The following NDRG1 variants were observed in gnomAD, a reference collection of about 807,000 sequenced individuals.
NDRG1 encodes protein NDRG1.
Under a neutral mutation model 56.9 loss-of-function variants are expected in NDRG1, and 32 were observed. That is an observed-to-expected ratio of 0.56 (90% CI 0.42 to 0.76). The LOEUF is 0.76. Ranked by LOEUF, NDRG1 falls within the 30% of genes least tolerant of loss-of-function variation. NDRG1 has a pLI of 0.00. For missense variants in NDRG1, 507 were observed against 545.7 expected (o/e 0.93, Z 0.71); for synonymous variants, 211 against 204.1 (o/e 1.03, Z -0.29).
chr8:133,252,310 G>A (rs867043714), intron 9 of NDRG1, among the ~76,000 whole-genome samples: 56 of 152,226 alleles, frequency 3.7e-4, no homozygotes, highest in African/African-American at 1.2e-3. Flanking sequence ...GGCCAGGCTC[G>A]TCTCGAACTC....
intron 15 of NDRG1, among the ~76,000 whole-genome samples, chr8:133,241,690 A>T (rs957593964): frequency 6.6e-6 from 1 of 152,244 alleles, no homozygotes; most frequent in Middle Eastern, 3.2e-3. Flanking sequence ...GTGGTCTCTT[A>T]AAACTTGTGA....
Position 133,256,452 on chromosome 8 carries a change from T to C in NDRG1, c.537+325A>G, listed in dbSNP as rs116426800. Reference sequence around the variant, plus strand: ...CTTGTTCTTCAAGATGCTCAGCATCTTGACCAAAGCCTGGCACAAGTTATG... The same window carrying C: ...CTTGTTCTTCAAGATGCTCAGCATCCTGACCAAAGCCTGGCACAAGTTATG... On this transcript the variant is annotated intron_variant, in intron 8 of 15. Transcript: ENST00000323851. 7.9e-3 allele frequency among the ~76,000 whole-genome samples: 1,205 copies of C among 152,332 alleles called. 15 individuals are homozygous for C. Among genetic ancestry groups the C allele is most frequent in the African/African-American group, 0.027 (1,143 of 41,580 alleles).
intron 1 of NDRG1, among the ~76,000 whole-genome samples, chr8:133,289,695 G>A (rs897120787): frequency 6.6e-6 from 1 of 152,198 alleles, no homozygotes. Context: ...GGACCTGGGA[G>A]GGCAGTGGGC....
At chr8:133,269,686 C>T (rs2929992) in intron 3 of NDRG1, among the ~76,000 whole-genome samples, 92,272 of 152,128 alleles carry the variant, frequency 0.61, 30,795 homozygotes, top group East Asian at 1. Flanking sequence ...CATTCTGTGC[C>T]GGGCAGAAGA....
In NDRG1 at chr8:133,238,468, G is replaced by C; in HGVS notation, c.*410C>G. On this transcript the variant is annotated 3_prime_UTR_variant, in exon 16 of 16. Coordinates refer to ENST00000323851, the MANE Select transcript of NDRG1 (RefSeq NM_006096.4). ...CTGGATCAGCTTCTCCTCAGTTAAA[G>C]AGGAAACGGGAAGTGGGCGGCTGGC... 3.6e-6 allele frequency: 1 copy of C among 274,926 alleles called. No homozygotes were observed. The highest frequency in any genetic ancestry group is 6.9e-6 in the Non-Finnish European group (1 of 145,026). 17.0% of individuals were successfully genotyped at this position (274,926 alleles called of 1,614,324 possible).
intron 3 of NDRG1, among the ~76,000 whole-genome samples, chr8:133,268,313 A>G (rs1286939150): frequency 6.6e-6 from 1 of 152,256 alleles, no homozygotes; most frequent in East Asian, 1.9e-4. Context: ...CTCCCTCCTG[A>G]TAAGACCCCC....
intron 13 of NDRG1, among the ~76,000 whole-genome samples, chr8:133,246,170 G>A (rs951613387): frequency 3.3e-5 from 5 of 152,252 alleles, no homozygotes; most frequent in African/African-American, 7.2e-5. Flanking sequence ...AAGGACTGGC[G>A]GAGGTTGCTA....
At chr8:133,248,565 G>C (rs374126479) in intron 11 of NDRG1, 150 bp downstream of exon 11, 2 of 975,132 alleles carry the variant, frequency 2.1e-6, no homozygotes, top group Non-Finnish European at 3.3e-6. Context: ...TCCAAGTCAG[G>C]CTGGGTAATG....
intron 9 of NDRG1, among the ~76,000 whole-genome samples, chr8:133,252,337 C>T (rs924522076): frequency 2.0e-5 from 3 of 152,184 alleles, no homozygotes; most frequent in African/African-American, 7.2e-5. Flanking sequence ...TCAGGTGATC[C>T]ACTCGCCTAA....
intron 14 of NDRG1, among the ~76,000 whole-genome samples, chr8:133,243,303 C>T (rs779404707): frequency 6.6e-6 from 1 of 152,126 alleles, no homozygotes; most frequent in African/African-American, 2.4e-5. Flanking sequence ...CGCCTGTGTT[C>T]GAGATGGTGG....
At chr8:133,258,195 T>C (rs1211080321) in intron 7 of NDRG1, among the ~76,000 whole-genome samples, 171 bp downstream of exon 7, 2 of 151,736 alleles carry the variant, frequency 1.3e-5, no homozygotes, top group Non-Finnish European at 2.9e-5. Flanking sequence ...GAAAAGGCTG[T>C]GAGTATATAT....
chr8:133,244,331 T>G (rs1488617962), intron 14 of NDRG1, 24 bp downstream of exon 14: 1 of 1,614,068 alleles, frequency 6.2e-7, no homozygotes, highest in East Asian at 2.2e-5. Flanking sequence ...AGCTGTATAA[T>G]GCAAAAGCCA....
intron 13 of NDRG1, among the ~76,000 whole-genome samples, chr8:133,244,873 A>C (rs1855582439): frequency 6.6e-6 from 1 of 152,220 alleles, no homozygotes; most frequent in Non-Finnish European, 1.5e-5. Context: ...ACCCTTCCTA[A>C]ATGGTGGACG....
At chr8:133,243,933 T>G (rs537799384) in intron 14 of NDRG1, among the ~76,000 whole-genome samples, 1 of 151,732 alleles carries the variant, frequency 6.6e-6, no homozygotes, top group East Asian at 1.9e-4. Flanking sequence ...CACAGACATG[T>G]GTACACATGC....
intron 1 of NDRG1, among the ~76,000 whole-genome samples, chr8:133,288,058 CACAT>C (rs756643416): frequency 7.2e-5 from 11 of 152,200 alleles, no homozygotes; most frequent in African/African-American, 1.2e-4. Context: ...CTTATACTCA[CACAT>C]ACATACATTC....
intron 3 of NDRG1, among the ~76,000 whole-genome samples, chr8:133,272,136 A>G (rs891001149): frequency 6.6e-6 from 1 of 152,152 alleles, no homozygotes; most frequent in Non-Finnish European, 1.5e-5. Context: ...TTTTATGTTG[A>G]CATCAGGTCA....
At chr8:133,259,428 G>C (rs1299434815) in intron 5 of NDRG1, 198 bp from the exon 6 acceptor site, 2 of 631,202 alleles carry the variant, frequency 3.2e-6, no homozygotes, top group Admixed American at 4.7e-5. Context: ...CTACGCTCCA[G>C]GTCCCATGGA....
chr8:133,241,657 C>T, intron 15 of NDRG1: 1 of 354,002 alleles, frequency 2.8e-6, no homozygotes. Flanking sequence ...TCATCGACAC[C>T]ATCTTCATCA....
In NDRG1 at chr8:133,250,487, A is replaced by G. The variant is rs1586421765; in HGVS notation, c.651T>C (p.Asn217=). Residue 217 remains asparagine (N), a synonymous_variant, in exon 10 of 16, where the codon AAT becomes AAC. Coordinates refer to ENST00000323851, the MANE Select transcript of NDRG1 (RefSeq NM_006096.4). ...VVHTYRQHIV[N]DMNPGNLHLF... ...GGTGCAGGTTGCCGGGGTTCATGTC[A>G]TTCACAATGTGCTGGCGGTAGGTGT... 1.2e-6 allele frequency: 2 copies of G among 1,614,094 alleles called. No individual in the cohort carries two copies. Among genetic ancestry groups the G allele is most frequent in the South Asian group, 1.1e-5 (1 of 91,080 alleles).
Sources: allele counts gnomAD v4.1 joint callset (sites outside exome capture counted in the v4.1 genomes callset), GRCh38; gene constraint gnomAD v4.1.1; transcripts MANE v1.5; gene names NCBI Gene and HGNC (gene_info 2026-07-23, HGNC 2026-07-21).